Variants in POC1B observed in about 807,000 individuals in gnomAD.
The protein encoded by POC1B is POC1 centriolar protein homolog B.
A neutral mutation model predicts 60.6 loss-of-function variants in POC1B; 44 were observed. That is an observed-to-expected ratio of 0.73 (90% CI 0.57 to 0.93). The LOEUF is 0.93. Among genes scored for constraint, POC1B ranks in the 40% least tolerant of loss-of-function variants. The probability of loss-of-function intolerance (pLI) is 0.00; values close to 1 mark genes in which losing one functional copy is unlikely to be tolerated. For synonymous variants in POC1B, 180 were observed against 198.9 expected (o/e 0.90, Z 0.80); for missense variants, 555 against 572.3 (o/e 0.97, Z 0.31).
At chr12:89,403,161 C>T in the POC1B span, among the ~76,000 whole-genome samples, 14 of 151,900 alleles carry the variant, frequency 9.2e-5, no homozygotes, top group African/African-American at 1.9e-4. Flanking sequence ...ACGCCCGCCA[C>T]CACACCCAGC....
At chr12:89,479,482 G>A (rs1883238605) in intron 4 of POC1B, among the ~76,000 whole-genome samples, 1 of 152,042 alleles carries the variant, frequency 6.6e-6, no homozygotes, top group African/African-American at 2.4e-5. Flanking sequence ...TTTGCAAATA[G>A]ACTTATAAAA....
chr12:89,415,055 G>A (rs1880342035), downstream of POC1B, among the ~76,000 whole-genome samples: 1 of 152,128 alleles, frequency 6.6e-6, no homozygotes, highest in South Asian at 2.1e-4. Context: ...TCTGGTTTTT[G>A]CCTCACTTTT....
chr12:89,501,025 C>A, intron 2 of POC1B: 1 of 1,024,028 alleles, frequency 9.8e-7, no homozygotes, highest in Non-Finnish European at 1.5e-6. Context: ...ATTGATAAGT[C>A]AGATCAAAGT....
chr12:89,510,731 T>C (rs182808488), intron 2 of POC1B, among the ~76,000 whole-genome samples: 1 of 151,948 alleles, frequency 6.6e-6, no homozygotes, highest in Non-Finnish European at 1.5e-5. Context: ...ACAAATTAGT[T>C]TCGTCACTGG....
At chr12:89,437,119 C>G (rs769192966) in intron 10 of POC1B, among the ~76,000 whole-genome samples, 1 of 152,202 alleles carries the variant, frequency 6.6e-6, no homozygotes, top group Non-Finnish European at 1.5e-5. Flanking sequence ...CTACAGCACT[C>G]GATCAGACAG....
At chr12:89,485,294 CA>C (rs1868570633) in intron 4 of POC1B, 1 of 152,148 alleles carries the variant, frequency 6.6e-6, no homozygotes, top group African/African-American at 2.4e-5. Context: ...CCTTGGTGGT[CA>C]ATCAGGCCCT....
chr12:89,450,667 A>G (rs988668243), intron 10 of POC1B, among the ~76,000 whole-genome samples: 1 of 152,230 alleles, frequency 6.6e-6, no homozygotes, highest in African/African-American at 2.4e-5. Flanking sequence ...AATAAACTTG[A>G]TAACATCTTT....
chr12:89,443,917 G>A (rs1011269554), intron 10 of POC1B, among the ~76,000 whole-genome samples: 3 of 152,108 alleles, frequency 2.0e-5, no homozygotes, highest in African/African-American at 7.2e-5. Flanking sequence ...AATGACAAAG[G>A]GGATATCACC....
At chr12:89,413,989 T>C in the POC1B span, among the ~76,000 whole-genome samples, 1 of 152,206 alleles carries the variant, frequency 6.6e-6, no homozygotes, top group Non-Finnish European at 1.5e-5. Context: ...CCTCCCAGGC[T>C]CAAACAATTC....
chr12:89,500,976 C>G, intron 2 of POC1B: 1 of 896,376 alleles, frequency 1.1e-6, no homozygotes, highest in Non-Finnish European at 1.8e-6. Context: ...TCATTCGTGT[C>G]CTCCCGATGA....
intron 6 of POC1B, among the ~76,000 whole-genome samples, chr12:89,471,291 G>A (rs557099661): frequency 6.6e-6 from 1 of 152,166 alleles, no homozygotes; most frequent in African/African-American, 2.4e-5. Flanking sequence ...TTGTGCTCAC[G>A]TAACTCCCTG....
chr12:89,525,033 C>G, intron 2 of POC1B, 87 bp downstream of exon 2: 1 of 1,574,626 alleles, frequency 6.4e-7, no homozygotes, highest in African/African-American at 1.4e-5. Context: ...TAGCCGTTCT[C>G]CTAGGGACCC....
chr12:89,514,699 C>T (rs769535417), intron 2 of POC1B, among the ~76,000 whole-genome samples: 3 of 152,082 alleles, frequency 2.0e-5, no homozygotes, highest in Non-Finnish European at 4.4e-5. Context: ...TAAGCCACTG[C>T]GCCCGGCCTC....
rs1565734490 is a variant in POC1B at position 89,459,631 on chromosome 12, G to GAAAAA, written c.1113+6_1113+7insTTTTT. On this transcript the variant is annotated splice_region_variant and intron_variant, in intron 10 of 11. Coordinates refer to ENST00000313546, the MANE Select transcript of POC1B (RefSeq NM_172240.3). ...GTGTCAAAAAAAAAAAAAAAAACCC[G>GAAAAA]ACTTACTGTGGTAGAATCAAAAGAA... is the stretch of plus-strand genomic sequence containing the variant. 1.5e-6 allele frequency: 2 copies of GAAAAA among 1,314,052 alleles called. No homozygotes were observed. Among genetic ancestry groups the GAAAAA allele is most frequent in the Non-Finnish European group, 1.0e-6 (1 of 979,926 alleles). The allele number at this position is 1,314,052 out of a possible 1,614,324, so 81.4% of individuals were successfully genotyped here.
chr12:89,525,071 C>T, intron 2 of POC1B, 49 bp downstream of exon 2: 1 of 1,611,658 alleles, frequency 6.2e-7, no homozygotes, highest in Non-Finnish European at 8.5e-7. Context: ...AGGTTTCCGG[C>T]CCATGGAGTT....
rs552360232 is a variant in POC1B, at chr12:89,468,917, A to C, written c.811-1232T>G. 3.3e-5 allele frequency among the ~76,000 whole-genome samples: 5 copies of C among 152,264 alleles called. No homozygotes were observed. The East Asian group carries it at 9.6e-4, about 29-fold the overall frequency. Reference sequence around the variant, plus strand: ...AAAAAAAGAGGATGCATTCTAAAAAATTCAGAGAAGTTTGAATATTGTCTG... The same window carrying C: ...AAAAAAAGAGGATGCATTCTAAAAACTTCAGAGAAGTTTGAATATTGTCTG... On this transcript the variant is annotated intron_variant, in intron 7 of 11. Transcript: ENST00000313546.
rs577457481 is a variant in POC1B, at chr12:89,456,181, C to T, written c.1113+3457G>A. ...AATTATAAGCGCACACCACCACGCC[C>T]GGCTAATTTTTGTAGTTTTAGTAGA... On this transcript the variant is annotated intron_variant, in intron 10 of 11. Transcript: ENST00000313546. 1.6e-3 allele frequency among the ~76,000 whole-genome samples: 245 copies of T among 152,148 alleles called. 1 individual carries two copies. Among genetic ancestry groups the T allele is most frequent in the African/African-American group, 5.3e-3 (221 of 41,514 alleles).
At chr12:89,441,204 C>A (rs900695952) in intron 10 of POC1B, among the ~76,000 whole-genome samples, 1 of 152,228 alleles carries the variant, frequency 6.6e-6, no homozygotes, top group Admixed American at 6.5e-5. Context: ...CATAGCTGAA[C>A]AAAAGGCAGC....
downstream of POC1B, among the ~76,000 whole-genome samples, chr12:89,419,540 A>G (rs1880444006): frequency 6.6e-6 from 1 of 152,142 alleles, no homozygotes; most frequent in Non-Finnish European, 1.5e-5. Context: ...TGAGATTGTT[A>G]GAGATGCAAA....
Sources: allele counts gnomAD v4.1 joint callset (sites outside exome capture counted in the v4.1 genomes callset), GRCh38; gene constraint gnomAD v4.1.1; transcripts MANE v1.5; gene names NCBI Gene and HGNC (gene_info 2026-07-23, HGNC 2026-07-21).